ZNF117: variants seen among roughly 807,000 people sequenced by gnomAD.
ZNF117 encodes zinc finger protein 117, also known as Krueppel-related zinc finger protein.
A neutral mutation model predicts 41.2 loss-of-function variants in ZNF117; 37 were observed. The ratio of observed to expected loss-of-function variants is 0.90; its 90% CI spans 0.69 to 1.18. The LOEUF is 1.18. ZNF117 is among the 50% of genes most tolerant of loss of function. The pLI is 0.00. For missense variants in ZNF117, 546 were observed against 557.5 expected (o/e 0.98, Z 0.21); for synonymous variants, 186 against 186.6 (o/e 1.00, Z 0.02).
At chr7:64,984,935 C>T (rs1037022238), upstream of ZNF117, among the ~76,000 whole-genome samples, 1 of 152,112 alleles carries the variant, frequency 6.6e-6, no homozygotes, top group Non-Finnish European at 1.5e-5. Flanking sequence ...GGATTACAGG[C>T]ACGCGCCACC....
chr7:64,974,617 T>A (rs1188235849), exon 3 of ZNF117: 1 of 151,922 alleles, frequency 6.6e-6, no homozygotes, highest in Non-Finnish European at 1.5e-5. Context: ...TATAGTTAAC[T>A]CTATGTAAAC....
At chr7:64,983,952 C>G (rs10235333), upstream of ZNF117, among the ~76,000 whole-genome samples, 2,099 of 152,324 alleles carry the variant, frequency 0.014, 42 homozygotes, top group African/African-American at 0.047. Context: ...TTCTGCTAAT[C>G]AATTTTTCTA....
At chr7:64,974,684 A>G (rs184348165) in exon 3 of ZNF117, 5 of 152,056 alleles carry the variant, frequency 3.3e-5, no homozygotes, top group East Asian at 3.9e-4. Flanking sequence ...AGAAAAATAC[A>G]TAACAAAATT....
chr7:64,976,196 C>G (rs1042105218), exon 3 of ZNF117: 1 of 152,204 alleles, frequency 6.6e-6, no homozygotes, highest in Non-Finnish European at 1.5e-5. Context: ...AATCCCAGCA[C>G]TTTGGGAGGC....
At position 64,979,324 on chromosome 7, in the gene ZNF117, A is replaced by G. The variant is rs749242594; in HGVS notation, c.247T>C (p.Cys83Arg). ...TGGAAAACTTCTACATATTTATTAC[A>G]TTGAAATATTTTGCTCAAGGTAGTT... The change falls in exon 3 of 3, where the codon TGT (cysteine) becomes CGT (arginine). Residue 83 changes from cysteine (C) to arginine (R), a missense_variant. By Grantham distance (180) the Cys-to-Arg change is radical (BLOSUM62 -3). Transcript: ENST00000620222. 3.8e-6 allele frequency: 6 copies of G among 1,592,748 alleles called. No homozygotes were observed. The South Asian group carries it at 4.6e-5, about 12-fold the overall frequency.
At chr7:64,981,254 A>AT (rs74364613) in intron 2 of ZNF117, 133 bp downstream of exon 3, 108,039 of 1,160,098 alleles carry the variant, frequency 0.093, 5,884 homozygotes, top group East Asian at 0.18. Context: ...TGAGAGAAAA[A>AT]TAAAAAAAAA....
At chr7:64,983,219 C>T (rs1786067620), upstream of ZNF117, among the ~76,000 whole-genome samples, 1 of 152,198 alleles carries the variant, frequency 6.6e-6, no homozygotes, top group Non-Finnish European at 1.5e-5. Context: ...CTCAACGTTA[C>T]ATGTTCTCCT....
chr7:64,988,237 C>T (rs1282931934), intron 1 of ZNF117, among the ~76,000 whole-genome samples: 1 of 152,156 alleles, frequency 6.6e-6, no homozygotes, highest in Non-Finnish European at 1.5e-5. Flanking sequence ...TTCAACAGCA[C>T]ATCAAAAAGC....
At chr7:64,981,630 GA>G in intron 1 of ZNF117, 148 bp from the exon 3 acceptor site, 1 of 762,098 alleles carries the variant, frequency 1.3e-6, no homozygotes, top group Admixed American at 3.4e-5. Flanking sequence ...TAAAGATTTA[GA>G]AAATATTTTA....
chr7:64,988,751 C>G (rs1341626933), intron 1 of ZNF117, among the ~76,000 whole-genome samples: 1 of 152,118 alleles, frequency 6.6e-6, no homozygotes, highest in Non-Finnish European at 1.5e-5. Context: ...CCAAACTTCA[C>G]AATACAAAGC....
At chr7:64,979,613 G>T in intron 2 of ZNF117, 77 bp from the exon 4 acceptor site, 2 of 1,190,978 alleles carry the variant, frequency 1.7e-6, no homozygotes, top group Non-Finnish European at 2.2e-6. Context: ...AACCCATAAA[G>T]TTACAGAAAC....
At chr7:64,972,327 G>C (rs1031193921), downstream of ZNF117, 2 of 151,912 alleles carry the variant, frequency 1.3e-5, no homozygotes, top group Admixed American at 6.6e-5. Context: ...AGTGAAATCA[G>C]AATGAAGAAA....
At chr7:64,984,375 G>A (rs191326975), upstream of ZNF117, among the ~76,000 whole-genome samples, 8 of 152,190 alleles carry the variant, frequency 5.3e-5, no homozygotes, top group Non-Finnish European at 1.0e-4. Flanking sequence ...CAAGTGACCC[G>A]CCTGCCTGGA....
chr7:64,974,033 T>C (rs1367058623), downstream of ZNF117: 3 of 151,904 alleles, frequency 2.0e-5, no homozygotes, highest in Admixed American at 1.3e-4. Flanking sequence ...TTATGAAGCA[T>C]TCCTAGTTCT....
chr7:64,978,603 TGGTC>T lies in ZNF117; in HGVS notation c.964_967del (p.Asp322IlefsTer31). 6.2e-7 allele frequency: 1 copy of T among 1,612,680 alleles called. No individual in the cohort carries two copies. Among genetic ancestry groups the T allele is most frequent in the Non-Finnish European group, 8.5e-7 (1 of 1,179,656 alleles). On this transcript the variant is annotated frameshift_variant, in exon 3 of 3. Transcript: ENST00000620222. LOFTEE classifies it high-confidence loss of function. The stretch of plus-strand genomic sequence containing the variant: ...TTTCTCTCCAGTATGAATTTTTTTA[TGGTC>T]AGTAAGATTTGAAAATTGTTTAAAA...
chr7:64,977,231 G>A (rs1423030971), exon 3 of ZNF117: 2 of 419,696 alleles, frequency 4.8e-6, no homozygotes, highest in Non-Finnish European at 9.5e-6. Flanking sequence ...CACATTTGTA[G>A]GATTTCTCTC....
exon 3 of ZNF117, chr7:64,979,370 A>G: frequency 1.2e-6 from 2 of 1,605,200 alleles, no homozygotes; most frequent in Admixed American, 1.7e-5. Context: ...GGTTAAGTCC[A>G]CTATAATCTC....
At chr7:64,989,006 A>AATATCATTACAGATAT in intron 1 of ZNF117, among the ~76,000 whole-genome samples, 1 of 152,148 alleles carries the variant, frequency 6.6e-6, no homozygotes, top group South Asian at 2.1e-4. Flanking sequence ...TATCATTAAA[A>AATATCATTACAGATAT]TGGCCATACT....
At chr7:64,986,880 G>C (rs1385793499), upstream of ZNF117, among the ~76,000 whole-genome samples, 1 of 152,080 alleles carries the variant, frequency 6.6e-6, no homozygotes, top group Admixed American at 6.5e-5. Flanking sequence ...GACACTATTA[G>C]ACACATTTTT....
Sources: allele counts gnomAD v4.1 joint callset (sites outside exome capture counted in the v4.1 genomes callset), GRCh38; gene constraint gnomAD v4.1.1; transcripts MANE v1.5; gene names NCBI Gene and HGNC (gene_info 2026-07-23, HGNC 2026-07-21).